Variants in TXLNA observed in about 807,000 individuals in gnomAD.
TXLNA encodes the protein alpha-taxilin.
TXLNA carries 9 observed loss-of-function variants against 61.4 expected under a neutral mutation model. The ratio of observed to expected loss-of-function variants is 0.15; its 90% CI spans 0.09 to 0.26. The LOEUF (loss-of-function observed/expected upper bound fraction) is 0.26, where lower values mean the gene tolerates loss of function less well. Ranked by LOEUF, TXLNA falls within the 10% of genes least tolerant of loss-of-function variation. The pLI is 1.00. For synonymous variants in TXLNA, 257 were observed against 267.7 expected (o/e 0.96, Z 0.39); for missense variants, 565 against 688.8 (o/e 0.82, Z 2.01).
At chr1:32,190,954 TGTG>T (rs1642892832) in intron 6 of TXLNA, among the ~76,000 whole-genome samples, 1 of 151,784 alleles carries the variant, frequency 6.6e-6, no homozygotes, top group South Asian at 2.1e-4. Context: ...ATTAGCCAGG[TGTG>T]GTGGTGCACG....
intron 4 of TXLNA, among the ~76,000 whole-genome samples, chr1:32,184,875 A>AGG (rs1642747387): frequency 6.6e-6 from 1 of 152,240 alleles, no homozygotes; most frequent in Non-Finnish European, 1.5e-5. Context: ...GCCTGAGTCC[A>AGG]AGACACCTTG....
chr1:32,191,804 T>C (rs1048797403), intron 6 of TXLNA, among the ~76,000 whole-genome samples: 18 of 152,312 alleles, frequency 1.2e-4, no homozygotes, highest in Non-Finnish European at 2.2e-4. Flanking sequence ...CTTCTCTCCA[T>C]CCCTTCTCTC....
At chr1:32,181,640 T>TG in intron 3 of TXLNA, 63 bp downstream of exon 3, 1 of 1,372,970 alleles carries the variant, frequency 7.3e-7, no homozygotes, top group Non-Finnish European at 9.8e-7. Flanking sequence ...TGACGTTCTC[T>TG]GGGCCAGTCT....
intron 3 of TXLNA, among the ~76,000 whole-genome samples, 191 bp downstream of exon 3, chr1:32,181,768 A>C (rs1468380571): frequency 6.6e-6 from 1 of 152,174 alleles, no homozygotes; most frequent in Admixed American, 6.5e-5. Context: ...ACCAGCACAA[A>C]GCCTTCTGGG....
At chr1:32,185,515 C>G (rs1329061973) in intron 4 of TXLNA, among the ~76,000 whole-genome samples, 1 of 151,288 alleles carries the variant, frequency 6.6e-6, no homozygotes, top group Admixed American at 6.6e-5. Flanking sequence ...GCCTCAGCCT[C>G]CCGAGTAGCT....
chr1:32,192,382 G>A lies in TXLNA; in HGVS notation c.1035G>A (p.Gln345=). ...TGGATGCCAAGCTCCAGCAGGCCCAGGAGATGCTAAAGGAGGCAGAAGAGC... is the reference window on the plus strand; with the variant it reads ...TGGATGCCAAGCTCCAGCAGGCCCAAGAGATGCTAAAGGAGGCAGAAGAGC... ...QLVDAKLQQA[Q]EMLKEAEERH... Residue 345 remains glutamine, a synonymous_variant, in exon 7 of 11, where the codon CAG becomes CAA. Transcript: ENST00000373610. This position sits in a 1 kb window ranked among gnomAD's most constrained non-coding sequence, Gnocchi z 4.2. The A allele has an allele frequency of 6.2e-7, 1 of 1,614,240 alleles. No homozygotes were observed. Among genetic ancestry groups the A allele is most frequent in the Non-Finnish European group, 8.5e-7 (1 of 1,180,044 alleles).
chr1:32,183,807 G>C (rs548980342), intron 3 of TXLNA, among the ~76,000 whole-genome samples: 1 of 151,484 alleles, frequency 6.6e-6, no homozygotes, highest in South Asian at 2.1e-4. Context: ...CGCGATCTGG[G>C]CTCACTGCAA....
In TXLNA at chr1:32,192,612, C is replaced by A; in HGVS notation, c.1084-45C>A. 1 of 1,611,476 alleles carries A rather than the reference C, an allele frequency of 6.2e-7. No homozygotes were observed. Among genetic ancestry groups the A allele is most frequent in the East Asian group, 2.2e-5 (1 of 44,866 alleles). ...CTTGTGGCTAAAAACCAAACATAGCCCCTGGGGGCTTCTGACAGGATCTGG... is the reference window on the plus strand; with the variant it reads ...CTTGTGGCTAAAAACCAAACATAGCACCTGGGGGCTTCTGACAGGATCTGG... On this transcript the variant is annotated intron_variant, in intron 7 of 10. Coordinates refer to ENST00000373610, the MANE Select transcript of TXLNA (RefSeq NM_175852.4). The surrounding 1 kb of genome is among the most constrained non-coding windows in gnomAD (Gnocchi z 4.2).
intron 6 of TXLNA, among the ~76,000 whole-genome samples, chr1:32,191,249 G>A (rs1043741118): frequency 6.6e-6 from 1 of 152,158 alleles, no homozygotes; most frequent in Admixed American, 6.5e-5. Context: ...CCCCTTACAG[G>A]GCTGGCAGAG....
At chr1:32,194,560 G>T (rs534666894) in intron 10 of TXLNA, among the ~76,000 whole-genome samples, 1 of 152,302 alleles carries the variant, frequency 6.6e-6, no homozygotes, top group Admixed American at 6.5e-5. Context: ...TTTTGCTGCT[G>T]AATGTTTTTA....
At chr1:32,189,930 G>A in intron 5 of TXLNA, 125 bp from the exon 6 acceptor site, 1 of 965,858 alleles carries the variant, frequency 1.0e-6, no homozygotes, top group South Asian at 1.7e-5. Context: ...ACAACATCCT[G>A]GAGTCTGGCT....
intron 4 of TXLNA, among the ~76,000 whole-genome samples, chr1:32,186,996 A>G (rs1642800998): frequency 6.6e-6 from 1 of 152,208 alleles, no homozygotes; most frequent in Admixed American, 6.5e-5. Context: ...TTCCAGGTTC[A>G]AACGATTCTC....
At chr1:32,180,640 G>A in intron 2 of TXLNA, 126 bp downstream of exon 2, 2 of 1,247,106 alleles carry the variant, frequency 1.6e-6, no homozygotes, top group Non-Finnish European at 2.2e-6. Flanking sequence ...GGACAGTGCT[G>A]GGGGCCGCGG....
In TXLNA at chr1:32,192,813, T is replaced by A; in HGVS notation, c.1158+82T>A. The A allele has an allele frequency of 2.8e-6, 4 of 1,420,604 alleles. No homozygotes were observed. The highest frequency in any genetic ancestry group is 4.0e-6 in the Non-Finnish European group (4 of 1,008,332). 88.0% of individuals were successfully genotyped at this position (1,420,604 alleles called of 1,614,324 possible). The stretch of plus-strand genomic sequence containing the variant: ...TGGGGGTAGTGAAATGGGACCCTCA[T>A]TCTAGGACTGGCTGTGTCCTGGCTG... On this transcript the variant is annotated intron_variant, in intron 8 of 10. Coordinates refer to ENST00000373610, the MANE Select transcript of TXLNA (RefSeq NM_175852.4). The surrounding 1 kb of genome is among the most constrained non-coding windows in gnomAD (Gnocchi z 4.2).
intron 3 of TXLNA, among the ~76,000 whole-genome samples, chr1:32,182,098 C>CT (rs35693792): frequency 0.26 from 26,554 of 101,542 alleles, 3,718 homozygotes; most frequent in East Asian, 0.36. Context: ...TGCAGTCAGG[C>CT]TTTTTTTTTT....
intron 5 of TXLNA, among the ~76,000 whole-genome samples, chr1:32,189,005 T>C (rs951046453): frequency 2.0e-5 from 3 of 152,212 alleles, no homozygotes; most frequent in Non-Finnish European, 4.4e-5. Flanking sequence ...TAGAATGAAA[T>C]TATTATACAT....
intron 6 of TXLNA, 22 bp downstream of exon 6, chr1:32,190,271 G>GT: frequency 6.4e-7 from 1 of 1,569,234 alleles, no homozygotes; most frequent in South Asian, 1.2e-5. Flanking sequence ...ACGGACAGCA[G>GT]TCATGGCCCA....
rs979735840 is a variant in TXLNA, at chr1:32,196,834, C to G, written c.*1639C>G. 2 of 152,236 alleles carry G rather than the reference C, an allele frequency of 1.3e-5. No homozygotes were observed. Among genetic ancestry groups the G allele is most frequent in the African/African-American group, 4.8e-5 (2 of 41,464 alleles). The allele number at this position is 152,236 out of a possible 1,614,324, so 9.4% of individuals were successfully genotyped here. ...GTTGGTTCACAAAGAATGTTAAGTACTGAATCATGTGTGACTGAGACCAGA... is the reference window on the plus strand; with the variant it reads ...GTTGGTTCACAAAGAATGTTAAGTAGTGAATCATGTGTGACTGAGACCAGA... On this transcript the variant is annotated 3_prime_UTR_variant, in exon 11 of 11. Transcript: ENST00000373610.
In TXLNA at chr1:32,180,339, C is replaced by T. The variant is rs760325190; in HGVS notation, c.-7C>T. The T allele has an allele frequency of 2.1e-5, 34 of 1,605,722 alleles. No individual in the cohort carries two copies. The South Asian group carries it at 3.0e-4, about 14-fold the overall frequency. On this transcript the variant is annotated 5_prime_UTR_variant, in exon 2 of 11. Coordinates refer to ENST00000373610, the MANE Select transcript of TXLNA (RefSeq NM_175852.4). ...GATCTTCTCCTGACCCAGCATCGCT[C>T]ATCACAATGAAGAACCAAGACAAAA... is the stretch of plus-strand genomic sequence containing the variant.
Sources: allele counts gnomAD v4.1 joint callset (sites outside exome capture counted in the v4.1 genomes callset), GRCh38; gene constraint gnomAD v4.1.1; non-coding constraint Gnocchi (gnomAD v3.1); transcripts MANE v1.5; gene names NCBI Gene and HGNC (gene_info 2026-07-23, HGNC 2026-07-21).